The following SRRM4 variants were observed in gnomAD, a reference collection of about 807,000 sequenced individuals.
SRRM4 encodes serine/arginine repetitive matrix protein 4.
Under a neutral mutation model 68.9 loss-of-function variants are expected in SRRM4, and 33 were observed. The observed-to-expected ratio is 0.48, with a 90% CI of 0.36 to 0.64. The LOEUF is 0.64. Ranked by LOEUF, SRRM4 falls within the 30% of genes least tolerant of loss-of-function variation. The pLI, the probability that SRRM4 is intolerant of heterozygous loss-of-function variation, is 0.00. For missense variants in SRRM4, 817 were observed against 827.1 expected, an observed-to-expected ratio of 0.99 and a Z score of 0.15; for synonymous variants, 318 against 318.8, an observed-to-expected ratio of 1.00 and a Z score of 0.03.
intron 8 of SRRM4, among the ~76,000 whole-genome samples, chr12:119,134,508 G>C (rs1174922640): frequency 6.6e-6 from 1 of 151,948 alleles, no homozygotes; most frequent in Non-Finnish European, 1.5e-5. Flanking sequence ...GGCTGGGATT[G>C]AGTCAGGAGC....
chr12:119,133,408 G>T (rs1954309749), intron 8 of SRRM4, among the ~76,000 whole-genome samples: 1 of 152,116 alleles, frequency 6.6e-6, no homozygotes. Flanking sequence ...TAGTAGTATT[G>T]TTCCAGGCAT....
intron 9 of SRRM4, 35 bp from the exon 10 acceptor site, chr12:119,150,982 G>A: frequency 6.3e-7 from 1 of 1,598,340 alleles, no homozygotes; most frequent in Non-Finnish European, 8.6e-7. Flanking sequence ...AGAGTAGTGG[G>A]CAGTCGGTGC....
chr12:119,051,455 AGCT>A (rs1352938876), intron 1 of SRRM4, among the ~76,000 whole-genome samples: 3 of 152,212 alleles, frequency 2.0e-5, no homozygotes, highest in Non-Finnish European at 4.4e-5. Context: ...GTTACAGGGA[AGCT>A]GCTTTTTTTC....
chr12:119,127,447 G>A (rs1182341204), intron 7 of SRRM4, among the ~76,000 whole-genome samples: 1 of 152,130 alleles, frequency 6.6e-6, no homozygotes, highest in African/African-American at 2.4e-5. Context: ...GGGAGGAGGA[G>A]CCAGGTACAA....
At chr12:119,133,826 G>A (rs1954311893) in intron 8 of SRRM4, among the ~76,000 whole-genome samples, 1 of 152,200 alleles carries the variant, frequency 6.6e-6, no homozygotes. Context: ...AATAGCCTGT[G>A]CCTTCTAATG....
intron 6 of SRRM4, 79 bp downstream of exon 6, chr12:119,122,199 A>G (rs1225172474): frequency 1.0e-6 from 1 of 982,686 alleles, no homozygotes; most frequent in Non-Finnish European, 1.6e-6. Context: ...AGAGTCTTAG[A>G]GTTGCCAAAT....
chr12:119,016,796 A>G (rs533167189), intron 1 of SRRM4, among the ~76,000 whole-genome samples: 3 of 152,348 alleles, frequency 2.0e-5, no homozygotes, highest in Admixed American at 1.3e-4. Context: ...ATATCATGCT[A>G]TGGAAGTGCT....
rs35250419 is a variant in SRRM4, at chr12:118,998,268, C to CAAAAAAAAAAAAAAAAA, written c.131+16270_131+16286dup. On this transcript the variant is annotated intron_variant, in intron 1 of 12. Transcript: ENST00000267260. ...AACTGAGTGGATAAGAGCAATATGG[C>CAAAAAAAAAAAAAAAAA]AAAAAAAAAAAAAAAAAAAAAAAAA... 1.6e-4 allele frequency among the ~76,000 whole-genome samples: 6 copies of CAAAAAAAAAAAAAAAAA among 36,582 alleles called. 1 individual carries two copies. Among genetic ancestry groups the CAAAAAAAAAAAAAAAAA allele is most frequent in the African/African-American group, 2.3e-4 (2 of 8,596 alleles). The allele number at this position is 36,582 out of a possible 152,430, so 24.0% of individuals were successfully genotyped here.
intron 1 of SRRM4, among the ~76,000 whole-genome samples, chr12:119,082,615 G>C (rs1235781672): frequency 6.6e-6 from 1 of 152,190 alleles, no homozygotes; most frequent in African/African-American, 2.4e-5. Flanking sequence ...GTGATGAGAT[G>C]AAGGCTTCAC....
At position 119,145,409 on chromosome 12, in the gene SRRM4, T is replaced by C; in HGVS notation, c.800T>C (p.Leu267Pro). 1 of 1,606,100 alleles carries C rather than the reference T, an allele frequency of 6.2e-7. No homozygotes were observed. The change falls in exon 9 of 13, where the codon CTC (leucine) becomes CCC (proline). Residue 267 changes from leucine to proline, a missense_variant. Transcript: ENST00000267260. ...VITGSGSAAD[L>P]FTKTASPLTT... Reference sequence around the variant, plus strand: ...ACTGGGTCGGGGTCTGCTGCTGACCTCTTTACCAAAACAGCCAGCCCGCTC... The same window carrying C: ...ACTGGGTCGGGGTCTGCTGCTGACCCCTTTACCAAAACAGCCAGCCCGCTC...
At chr12:119,007,882 T>G (rs1284999510) in intron 1 of SRRM4, among the ~76,000 whole-genome samples, 1 of 152,180 alleles carries the variant, frequency 6.6e-6, no homozygotes, top group Non-Finnish European at 1.5e-5. Context: ...ATGAGCCCCA[T>G]CTTGATTGGC....
intron 1 of SRRM4, among the ~76,000 whole-genome samples, chr12:119,032,075 A>G (rs1953595305): frequency 6.6e-6 from 1 of 152,110 alleles, no homozygotes; most frequent in African/African-American, 2.4e-5. Context: ...TTCATTATTT[A>G]TCTTTAACTC....
chr12:119,085,404 C>T (rs948866309), intron 1 of SRRM4, among the ~76,000 whole-genome samples: 1 of 152,174 alleles, frequency 6.6e-6, no homozygotes, highest in Non-Finnish European at 1.5e-5. Context: ...GGGGTTTGAA[C>T]CCAGCAGTCT....
intron 8 of SRRM4, among the ~76,000 whole-genome samples, chr12:119,143,881 T>C (rs1954383642): frequency 6.6e-6 from 1 of 152,068 alleles, no homozygotes; most frequent in Non-Finnish European, 1.5e-5. Flanking sequence ...AGATTTCTCA[T>C]CCCATAGGGA....
intron 1 of SRRM4, among the ~76,000 whole-genome samples, chr12:119,068,626 C>T (rs1004236579): frequency 9.9e-5 from 15 of 151,990 alleles, no homozygotes; most frequent in East Asian, 1.9e-4. Context: ...TCTCCCATGC[C>T]GCAGACCCCT....
At chr12:119,071,866 G>A (rs1953879993) in intron 1 of SRRM4, among the ~76,000 whole-genome samples, 1 of 152,218 alleles carries the variant, frequency 6.6e-6, no homozygotes, top group Non-Finnish European at 1.5e-5. Flanking sequence ...TGGGCTGCAT[G>A]TGTTTAGGAC....
chr12:119,024,532 TTC>T (rs757041531), intron 1 of SRRM4, among the ~76,000 whole-genome samples: 51 of 152,222 alleles, frequency 3.4e-4, no homozygotes, highest in Non-Finnish European at 5.6e-4. Context: ...CATAAGCCCA[TTC>T]TCTGTGTCTA....
chr12:119,092,728 G>A (rs1006126409), intron 1 of SRRM4, among the ~76,000 whole-genome samples: 2 of 151,810 alleles, frequency 1.3e-5, no homozygotes, highest in African/African-American at 4.8e-5. Context: ...CAGATCCCTG[G>A]CCATATAGGC....
Position 119,157,160 on chromosome 12 carries a change from A to C in SRRM4, c.*362A>C. 1 of 228,692 alleles carries C rather than the reference A, an allele frequency of 4.4e-6. No homozygotes were observed. Among genetic ancestry groups the C allele is most frequent in the Admixed American group, 5.1e-5 (1 of 19,736 alleles). 14.2% of individuals were successfully genotyped at this position (228,692 alleles called of 1,614,324 possible). ...AATGTGGAGACAGTTCTTCTCCTCC[A>C]CTGCTCACAGGAGGCCCGTGGTAAT... On this transcript the variant is annotated 3_prime_UTR_variant, in exon 13 of 13. Transcript: ENST00000267260. This position sits in a 1 kb window ranked among gnomAD's most constrained non-coding sequence, Gnocchi z 4.1.
Sources: gnomAD v4.1 joint callset for allele counts (sites outside exome capture counted in the v4.1 genomes callset) on GRCh38, gnomAD v4.1.1 for gene constraint, Gnocchi (gnomAD v3.1) non-coding constraint, MANE v1.5 for transcripts, NCBI Gene and HGNC (gene_info 2026-07-23, HGNC 2026-07-21) for gene names.